CIMIP6: variants seen among roughly 807,000 people sequenced by gnomAD.
The protein encoded by CIMIP6 is uncharacterized protein C2orf73.
chr2:54,341,598 G>A, the CIMIP6 span, among the ~76,000 whole-genome samples: 1 of 152,166 alleles, frequency 6.6e-6, no homozygotes, highest in Admixed American at 6.5e-5. Flanking sequence ...GCATTCCACA[G>A]CAGGTTTGAT....
At chr2:54,365,163 G>A in the CIMIP6 span, among the ~76,000 whole-genome samples, 37 of 152,172 alleles carry the variant, frequency 2.4e-4, no homozygotes, top group African/African-American at 8.4e-4. Flanking sequence ...ATTAGGGGAG[G>A]TAGTAGATTC....
chr2:54,347,180 G>A, the CIMIP6 span, among the ~76,000 whole-genome samples: 1 of 152,160 alleles, frequency 6.6e-6, no homozygotes, highest in African/African-American at 2.4e-5. Flanking sequence ...TTGATAAAAG[G>A]TCAATTGCTA....
chr2:54,350,806 C>G, the CIMIP6 span, among the ~76,000 whole-genome samples: 1 of 152,216 alleles, frequency 6.6e-6, no homozygotes, highest in Non-Finnish European at 1.5e-5. Context: ...GTTGCCCACA[C>G]TCTTTAATGA....
the CIMIP6 span, among the ~76,000 whole-genome samples, chr2:54,353,378 G>A: frequency 3.5e-4 from 54 of 152,194 alleles, no homozygotes; most frequent in South Asian, 8.3e-4. Context: ...CTATAAAGAC[G>A]AACCCTGCAG....
At chr2:54,378,871 T>C in the CIMIP6 span, among the ~76,000 whole-genome samples, 2 of 152,218 alleles carry the variant, frequency 1.3e-5, no homozygotes, top group Non-Finnish European at 2.9e-5. Flanking sequence ...CCTAAGTTTG[T>C]GCTTTCGTGA....
chr2:54,340,465 G>T, the CIMIP6 span, among the ~76,000 whole-genome samples: 1 of 152,192 alleles, frequency 6.6e-6, no homozygotes, highest in Non-Finnish European at 1.5e-5. Flanking sequence ...GCACGCACAT[G>T]TTGCATGGGC....
chr2:54,344,253 GATA>G, the CIMIP6 span, among the ~76,000 whole-genome samples: 6 of 152,144 alleles, frequency 3.9e-5, no homozygotes, highest in Non-Finnish European at 5.9e-5. Context: ...CCTTTAGAAA[GATA>G]ATAAAGTTTC....
At chr2:54,364,203 CCT>C in the CIMIP6 span, among the ~76,000 whole-genome samples, 22 of 152,210 alleles carry the variant, frequency 1.4e-4, no homozygotes, top group East Asian at 1.9e-3. Flanking sequence ...GTCATAACTG[CCT>C]GTCAGTACAA....
the CIMIP6 span, among the ~76,000 whole-genome samples, chr2:54,355,543 A>AT: frequency 2.0e-5 from 3 of 151,902 alleles, no homozygotes; most frequent in Admixed American, 1.3e-4. Context: ...TATCATCATC[A>AT]TTTTCTCAAA....
the CIMIP6 span, chr2:54,381,810 A>G: frequency 7.9e-6 from 12 of 1,512,358 alleles, no homozygotes; most frequent in South Asian, 2.6e-5. Context: ...ACTTTTTCCC[A>G]TAATTTTTCA....
At chr2:54,354,299 C>A in the CIMIP6 span, among the ~76,000 whole-genome samples, 1 of 151,918 alleles carries the variant, frequency 6.6e-6, no homozygotes, top group Non-Finnish European at 1.5e-5. Flanking sequence ...CAATTATTCA[C>A]CCTTCCTTCA....
the CIMIP6 span, among the ~76,000 whole-genome samples, chr2:54,335,944 T>G: frequency 1.3e-5 from 2 of 152,164 alleles, no homozygotes; most frequent in Non-Finnish European, 2.9e-5. Flanking sequence ...TGACTCTCTC[T>G]TATAAGGACC....
the CIMIP6 span, among the ~76,000 whole-genome samples, chr2:54,347,311 G>C: frequency 6.6e-6 from 1 of 152,130 alleles, no homozygotes; most frequent in Non-Finnish European, 1.5e-5. Context: ...TTTTCATTCT[G>C]TGTGAAAGAA....
At chr2:54,378,829 T>C in the CIMIP6 span, among the ~76,000 whole-genome samples, 4 of 152,212 alleles carry the variant, frequency 2.6e-5, no homozygotes, top group African/African-American at 7.2e-5. Context: ...ATGTCCTGAA[T>C]TCTTACAGCT....
chr2:54,364,393 A>G, the CIMIP6 span, among the ~76,000 whole-genome samples: 2 of 152,264 alleles, frequency 1.3e-5, no homozygotes, highest in African/African-American at 4.8e-5. Flanking sequence ...AAATACTTTA[A>G]TGAAGGTGCT....
chr2:54,353,578 A>C, the CIMIP6 span, among the ~76,000 whole-genome samples: 2 of 152,176 alleles, frequency 1.3e-5, no homozygotes, highest in Non-Finnish European at 2.9e-5. Flanking sequence ...AAATGTCATC[A>C]AACTTGCTTT....
the CIMIP6 span, among the ~76,000 whole-genome samples, chr2:54,346,177 A>G: frequency 2.9e-4 from 44 of 152,326 alleles, no homozygotes; most frequent in African/African-American, 1.0e-3. Flanking sequence ...TTTAGGCTCA[A>G]TCTATAGACA....
At chr2:54,333,738 C>T in the CIMIP6 span, among the ~76,000 whole-genome samples, 1 of 151,830 alleles carries the variant, frequency 6.6e-6, no homozygotes, top group Non-Finnish European at 1.5e-5. Context: ...AAAAAAAATA[C>T]AAAAATTAGC....
At chr2:54,332,772 T>C in the CIMIP6 span, among the ~76,000 whole-genome samples, 1 of 152,192 alleles carries the variant, frequency 6.6e-6, no homozygotes. Flanking sequence ...GTGATAACTA[T>C]GAGAAACAGG....
Sources: allele counts gnomAD v4.1 joint callset (sites outside exome capture counted in the v4.1 genomes callset), GRCh38; gene constraint gnomAD v4.1.1; transcripts MANE v1.5; gene names NCBI Gene and HGNC (gene_info 2026-07-23, HGNC 2026-07-21).